Variants in TMEM232 observed in about 807,000 individuals in gnomAD.
TMEM232 encodes transmembrane protein 232.
A neutral mutation model predicts 78.8 loss-of-function variants in TMEM232; 80 were observed. That is an observed-to-expected ratio of 1.01 (90% confidence interval 0.85 to 1.22). The LOEUF (loss-of-function observed/expected upper bound fraction) is 1.22. TMEM232 is among the 50% of genes most tolerant of loss of function. The pLI, the probability that TMEM232 is intolerant of heterozygous loss-of-function variation, is 0.00. For missense variants in TMEM232, 881 were observed against 742.2 expected (o/e 1.19, Z -2.17); for synonymous variants, 297 against 254.3 (o/e 1.17, Z -1.60).
chr5:110,450,166 C>T (rs1465062027), intron 12 of TMEM232, among the ~76,000 whole-genome samples: 1 of 152,138 alleles, frequency 6.6e-6, no homozygotes, highest in African/African-American at 2.4e-5. Context: ...TTTCCTGAGG[C>T]CTCACAGCCA....
chr5:110,666,169 T>G (rs1790561010), intron 2 of TMEM232, among the ~76,000 whole-genome samples: 1 of 152,184 alleles, frequency 6.6e-6, no homozygotes, highest in Admixed American at 6.6e-5. Context: ...CTTTTGAAAT[T>G]TGTTTAAATG....
chr5:110,584,467 G>T (rs976667784), intron 10 of TMEM232, among the ~76,000 whole-genome samples: 1 of 152,066 alleles, frequency 6.6e-6, no homozygotes, highest in Non-Finnish European at 1.5e-5. Context: ...CCGAGGCAAA[G>T]AATAGAATGG....
At chr5:110,551,790 G>A (rs1774496270) in intron 11 of TMEM232, among the ~76,000 whole-genome samples, 1 of 151,940 alleles carries the variant, frequency 6.6e-6, no homozygotes, top group African/African-American at 2.4e-5. Flanking sequence ...AAGAACTATT[G>A]GGCTGACAAT....
chr5:110,661,297 A>G (rs2150104154), intron 2 of TMEM232, among the ~76,000 whole-genome samples: 1 of 152,246 alleles, frequency 6.6e-6, no homozygotes, highest in South Asian at 2.1e-4. Context: ...GTAACATGAG[A>G]GGACAGATAT....
intron 12 of TMEM232, among the ~76,000 whole-genome samples, chr5:110,518,297 G>C (rs1186530626): frequency 2.0e-5 from 3 of 149,808 alleles, no homozygotes; most frequent in Non-Finnish European, 4.5e-5. Flanking sequence ...TTTATTTTTT[G>C]CTATTCCTTT....
At chr5:110,403,514 GACCA>G (rs1755680510) in intron 2 of TMEM232, among the ~76,000 whole-genome samples, 1 of 151,984 alleles carries the variant, frequency 6.6e-6, no homozygotes, top group East Asian at 1.9e-4. Flanking sequence ...AGTTGCCAGG[GACCA>G]TTCATAGCTC....
chr5:110,592,776 G>A (rs181174487), intron 10 of TMEM232, among the ~76,000 whole-genome samples: 7 of 152,230 alleles, frequency 4.6e-5, no homozygotes, highest in Admixed American at 2.0e-4. Context: ...ATTACCTTCC[G>A]CCTCTCTATC....
chr5:110,612,461 G>A (rs979334707), intron 8 of TMEM232, among the ~76,000 whole-genome samples: 7 of 152,110 alleles, frequency 4.6e-5, no homozygotes, highest in African/African-American at 1.4e-4. Flanking sequence ...AGAAATGAAG[G>A]AGTACTGATG....
At chr5:110,665,748 T>A (rs1790480328) in intron 2 of TMEM232, among the ~76,000 whole-genome samples, 1 of 152,002 alleles carries the variant, frequency 6.6e-6, no homozygotes, top group South Asian at 2.1e-4. Flanking sequence ...AGACTTATAC[T>A]ATACATGAGC....
Position 110,486,614 on chromosome 5 carries a change from C to T in TMEM232, c.1703+41974G>A, listed in dbSNP as rs567020781. On this transcript the variant is annotated intron_variant, in intron 12 of 13. Coordinates refer to ENST00000455884, the MANE Select transcript of TMEM232 (RefSeq NM_001039763.4). ...TGTTTTTGTTTGCTTTGTCAAAGAT[C>T]AGTTGGCTCTAAGTAGTTGGGTTTA... 3.3e-5 allele frequency among the ~76,000 whole-genome samples: 5 copies of T among 152,144 alleles called. No homozygotes were observed. In the East Asian group the frequency reaches 9.6e-4, roughly 29 times the overall value.
intron 1 of TMEM232, among the ~76,000 whole-genome samples, chr5:110,690,629 T>C (rs1268771327): frequency 6.6e-6 from 1 of 152,194 alleles, no homozygotes; most frequent in Admixed American, 6.5e-5. Context: ...ACTGGGTATA[T>C]ACCCAAAGGA....
upstream of TMEM232, among the ~76,000 whole-genome samples, chr5:110,731,551 C>T (rs1291427102): frequency 6.6e-6 from 1 of 152,228 alleles, no homozygotes; most frequent in Non-Finnish European, 1.5e-5. Context: ...CTTCTGTGCA[C>T]CTGCAGGCTC....
intron 1 of TMEM232, among the ~76,000 whole-genome samples, chr5:110,696,125 C>A (rs908576557): frequency 6.6e-6 from 1 of 152,138 alleles, no homozygotes; most frequent in African/African-American, 2.4e-5. Context: ...GGGCTTCATC[C>A]CTGGGATGCA....
At chr5:110,424,016 G>T (rs569898801) in intron 13 of TMEM232, among the ~76,000 whole-genome samples, 1 of 152,076 alleles carries the variant, frequency 6.6e-6, no homozygotes, top group Admixed American at 6.6e-5. Flanking sequence ...GTCATTTCAA[G>T]GTATCAGTCA....
intron 2 of TMEM232, among the ~76,000 whole-genome samples, chr5:110,662,758 A>G (rs549391526): frequency 1.6e-4 from 25 of 152,148 alleles, no homozygotes; most frequent in Non-Finnish European, 3.2e-4. Context: ...CATATGTCGT[A>G]TTGATGAATT....
intron 12 of TMEM232, among the ~76,000 whole-genome samples, chr5:110,520,902 G>A (rs1328661879): frequency 3.3e-5 from 5 of 151,714 alleles, no homozygotes; most frequent in Non-Finnish European, 5.9e-5. Flanking sequence ...TGGGTAATAA[G>A]TGCAAAACTC....
chr5:110,532,772 A>T (rs1771732992), intron 11 of TMEM232, among the ~76,000 whole-genome samples: 3 of 152,000 alleles, frequency 2.0e-5, no homozygotes, highest in Non-Finnish European at 4.4e-5. Flanking sequence ...GCGACCGATC[A>T]TGCACTCCTT....
At chr5:110,732,891 C>G (rs548909262) in intron 2 of TMEM232, among the ~76,000 whole-genome samples, 2 of 152,202 alleles carry the variant, frequency 1.3e-5, no homozygotes, top group South Asian at 4.2e-4. Flanking sequence ...AGACAACATA[C>G]AGAATGAGAG....
intron 2 of TMEM232, among the ~76,000 whole-genome samples, chr5:110,659,018 A>G (rs991625812): frequency 1.3e-5 from 2 of 152,152 alleles, no homozygotes; most frequent in African/African-American, 2.4e-5. Context: ...AAGGGCAACA[A>G]TACCTCAAAA....
Sources: allele counts gnomAD v4.1 joint callset (sites outside exome capture counted in the v4.1 genomes callset), GRCh38; gene constraint gnomAD v4.1.1; transcripts MANE v1.5; gene names NCBI Gene and HGNC (gene_info 2026-07-23, HGNC 2026-07-21).